The following OPA1 variants were observed in gnomAD, a reference collection of about 807,000 sequenced individuals.
OPA1 encodes the protein dynamin-like GTPase OPA1, mitochondrial.
Under a neutral mutation model 152.9 loss-of-function variants are expected in OPA1, and 59 were observed. The observed-to-expected ratio is 0.39, with a 90% CI of 0.31 to 0.48. The LOEUF (loss-of-function observed/expected upper bound fraction) is 0.48. Among genes scored for constraint, OPA1 ranks in the 20% least tolerant of loss-of-function variants. OPA1 has a pLI of 0.96. For missense variants in OPA1, 1,008 were observed against 1,216.8 expected, an observed-to-expected ratio of 0.83 and a Z score of 2.55; for synonymous variants, 400 against 389.9, an observed-to-expected ratio of 1.03 and a Z score of -0.31.
At chr3:193,677,292 T>TTC (rs1719325476) in intron 29 of OPA1, among the ~76,000 whole-genome samples, 2 of 77,342 alleles carry the variant, frequency 2.6e-5, no homozygotes, top group African/African-American at 1.2e-4. Context: ...CTTTTACTTC[T>TTC]TTTTTTTTTT....
intron 25 of OPA1, 52 bp from the exon 26 acceptor site, chr3:193,662,770 A>G (rs1029615553): frequency 3.1e-5 from 47 of 1,517,688 alleles, no homozygotes; most frequent in Non-Finnish European, 4.3e-5. Flanking sequence ...CTGTTTTTCA[A>G]GCACCAAATT....
intron 26 of OPA1, among the ~76,000 whole-genome samples, chr3:193,663,764 C>G (rs1268401395): frequency 1.3e-5 from 2 of 151,980 alleles, no homozygotes; most frequent in African/African-American, 4.8e-5. Flanking sequence ...AATTCCACCA[C>G]AGGTCAGAAC....
At chr3:193,648,245 T>C (rs1028078163) in intron 20 of OPA1, 111 bp downstream of exon 20, 22 of 758,072 alleles carry the variant, frequency 2.9e-5, no homozygotes, top group South Asian at 8.9e-5. Context: ...TGGTTTTGAC[T>C]ATAACTACTA....
Position 193,644,114 on chromosome 3 carries a change from A to G in OPA1, c.1608+9A>G. On this transcript the variant is annotated intron_variant, in intron 16 of 30. Coordinates refer to ENST00000361510, the MANE Select transcript of OPA1 (RefSeq NM_130837.3). ...TAGCCAGTCCAAGCAGGGTGAGGTC[A>G]AATTCTTTGTTGCGAGAATAGATTC... is the stretch of plus-strand genomic sequence containing the variant. 1.2e-6 allele frequency: 2 copies of G among 1,613,512 alleles called. No homozygotes were observed. Among genetic ancestry groups the G allele is most frequent in the East Asian group, 4.5e-5 (2 of 44,840 alleles).
intron 30 of OPA1, among the ~76,000 whole-genome samples, chr3:193,694,236 A>G (rs1214477701): frequency 1.3e-5 from 2 of 152,212 alleles, no homozygotes; most frequent in Non-Finnish European, 1.5e-5. Flanking sequence ...CAGAATGGTA[A>G]CCTTGCTTCA....
chr3:193,612,379 C>T (rs959765670), intron 1 of OPA1, among the ~76,000 whole-genome samples: 3 of 150,768 alleles, frequency 2.0e-5, no homozygotes, highest in Non-Finnish European at 4.4e-5. Context: ...AGGAACAGTC[C>T]GAGTTAGATC....
chr3:193,667,964 A>G (rs953297768), intron 29 of OPA1, among the ~76,000 whole-genome samples: 8 of 152,148 alleles, frequency 5.3e-5, no homozygotes, highest in African/African-American at 1.9e-4. Context: ...GGAGACCTAG[A>G]AATTATATAT....
At chr3:193,685,962 C>T (rs1720886307) in intron 29 of OPA1, among the ~76,000 whole-genome samples, 1 of 152,130 alleles carries the variant, frequency 6.6e-6, no homozygotes, top group Non-Finnish European at 1.5e-5. Flanking sequence ...AAATGACACA[C>T]ATTACAACAT....
intron 6 of OPA1, among the ~76,000 whole-genome samples, chr3:193,624,579 A>G (rs1352087455): frequency 1.3e-5 from 2 of 152,180 alleles, no homozygotes; most frequent in Non-Finnish European, 2.9e-5. Flanking sequence ...GATAGTAGTT[A>G]GCATTGTCTT....
chr3:193,647,009 T>G (rs1398420134), intron 18 of OPA1, 56 bp from the exon 19 acceptor site: 1 of 1,119,772 alleles, frequency 8.9e-7, no homozygotes, highest in Non-Finnish European at 1.3e-6. Flanking sequence ...GTGGTAGTAT[T>G]GTTGTCCTTT....
rs943697828 is a variant in OPA1 at position 193,635,533 on chromosome 3, T to A, written c.948+11T>A. 8.6e-6 allele frequency: 13 copies of A among 1,503,658 alleles called. No individual in the cohort carries two copies. In the African/African-American group the frequency reaches 1.8e-4, roughly 21 times the overall value. The allele number at this position is 1,503,658 out of a possible 1,614,324, so 93.1% of individuals were successfully genotyped here. On this transcript the variant is annotated intron_variant, in intron 9 of 30. Transcript: ENST00000361510. ...CATAGAAAGCTTAAGGTATTCTAAG[T>A]TTGTCTTGTTTATTCTCAAAATTTT...
chr3:193,648,236 GGTTTTGACTAT>G, intron 20 of OPA1, 102 bp downstream of exon 20: 1 of 846,836 alleles, frequency 1.2e-6, no homozygotes, highest in Non-Finnish European at 2.0e-6. Flanking sequence ...AAAGTACTTT[GGTTTTGACTAT>G]AACTACTAAT....
chr3:193,696,896 A>C lies in OPA1; in HGVS notation c.*2296A>C, dbSNP rs540967331. 1 of 152,372 alleles carries C rather than the reference A, an allele frequency of 6.6e-6. No individual in the cohort carries two copies. Among genetic ancestry groups the C allele is most frequent in the African/African-American group, 2.4e-5 (1 of 41,582 alleles). 9.4% of individuals were successfully genotyped at this position (152,372 alleles called of 1,614,324 possible). A position where few individuals can be genotyped will look rare whatever the true frequency, so the allele number is the denominator to read the frequency against. Reference sequence around the variant, plus strand: ...ACAGCACGAAATAAGTGGCCCTTGCAGCTTCCCCGTTTAACCCACTGTGCT... The same window carrying C: ...ACAGCACGAAATAAGTGGCCCTTGCCGCTTCCCCGTTTAACCCACTGTGCT... On this transcript the variant is annotated 3_prime_UTR_variant, in exon 31 of 31. Transcript: ENST00000361510.
intron 5 of OPA1, chr3:193,618,485 CAAA>C: frequency 5.6e-6 from 1 of 177,634 alleles, no homozygotes. Flanking sequence ...CCCCCACCCC[CAAA>C]AAAAAAAAGA....
intron 13 of OPA1, 139 bp downstream of exon 13, chr3:193,643,188 A>G (rs1734039219): frequency 2.2e-6 from 2 of 912,516 alleles, no homozygotes; most frequent in African/African-American, 3.3e-5. Flanking sequence ...TCCAAATAAT[A>G]TATCATTTTG....
At chr3:193,667,809 C>G (rs573099192) in intron 29 of OPA1, among the ~76,000 whole-genome samples, 80 of 152,072 alleles carry the variant, frequency 5.3e-4, no homozygotes, top group African/African-American at 1.9e-3. Flanking sequence ...TCATAGCAAC[C>G]GAACATTGAT....
intron 1 of OPA1, among the ~76,000 whole-genome samples, chr3:193,613,581 G>GT (rs1728573280): frequency 5.4e-5 from 8 of 149,194 alleles, no homozygotes; most frequent in Non-Finnish European, 8.9e-5. Context: ...TTGTTTGTTT[G>GT]TTTGTTTTTT....
intron 22 of OPA1, among the ~76,000 whole-genome samples, chr3:193,655,700 A>G (rs1029372491): frequency 1.3e-5 from 2 of 152,166 alleles, no homozygotes; most frequent in Non-Finnish European, 2.9e-5. Context: ...TACTTAGACA[A>G]TGCCCAGCCC....
chr3:193,607,925 C>T (rs1252125479), intron 1 of OPA1, among the ~76,000 whole-genome samples: 4 of 152,170 alleles, frequency 2.6e-5, no homozygotes, highest in Admixed American at 2.0e-4. Flanking sequence ...TTTGTATCCT[C>T]TTTTATTTCC....
Sources: gnomAD v4.1 joint callset for allele counts (sites outside exome capture counted in the v4.1 genomes callset) on GRCh38, gnomAD v4.1.1 for gene constraint, MANE v1.5 for transcripts, NCBI Gene and HGNC (gene_info 2026-07-23, HGNC 2026-07-21) for gene names.